The following ADGRF1 variants were observed in gnomAD, a reference collection of about 807,000 sequenced individuals.
ADGRF1 encodes the protein G protein-coupled receptor 110.
Under a neutral mutation model 87.2 loss-of-function variants are expected in ADGRF1, and 85 were observed. That is an observed-to-expected ratio of 0.97 (90% CI 0.82 to 1.17). The LOEUF (loss-of-function observed/expected upper bound fraction) is 1.17. Among genes scored for constraint, ADGRF1 ranks in the 50% most tolerant of loss-of-function variants. The probability of loss-of-function intolerance (pLI) is 0.00; values close to 1 mark genes in which losing one functional copy is unlikely to be tolerated. For synonymous variants in ADGRF1, 430 were observed against 408.8 expected, an observed-to-expected ratio of 1.05 and a Z score of -0.63; for missense variants, 1,169 against 1,077.2, an observed-to-expected ratio of 1.09 and a Z score of -1.19.
At position 47,009,860 on chromosome 6, in the gene ADGRF1, T is replaced by A. The variant is rs753529424; in HGVS notation, c.1575A>T (p.Ile525=). The A allele has an allele frequency of 3.1e-6, 5 of 1,613,980 alleles. No homozygotes were observed. The South Asian group carries it at 4.4e-5, about 14-fold the overall frequency. ...AATGAGGCTGGCTCAGGTTTGACTC[T>A]ATCTTGGAAAAAAATAGGAAAACTT... is the stretch of plus-strand genomic sequence containing the variant. ...INEVFLFFSK[I]ESNLSQPHCV... Residue 525 remains isoleucine, a synonymous_variant, in exon 11 of 15, where the codon ATA becomes ATT. Coordinates refer to ENST00000371253, the MANE Select transcript of ADGRF1 (RefSeq NM_153840.4).
intron 1 of ADGRF1, among the ~76,000 whole-genome samples, chr6:47,036,079 A>G (rs1440938640): frequency 6.6e-6 from 1 of 152,062 alleles, no homozygotes; most frequent in African/African-American, 2.4e-5. Context: ...AAAAATACAA[A>G]AATTAGCTGG....
chr6:47,022,644 T>A (rs1283198437), intron 5 of ADGRF1, among the ~76,000 whole-genome samples: 1 of 152,060 alleles, frequency 6.6e-6, no homozygotes, highest in African/African-American at 2.4e-5. Flanking sequence ...CTCTTACATA[T>A]TCCTAAACAT....
chr6:47,042,017 G>A (rs556045274), intron 1 of ADGRF1, among the ~76,000 whole-genome samples, 174 bp downstream of exon 1: 6 of 152,192 alleles, frequency 3.9e-5, no homozygotes, highest in African/African-American at 1.4e-4. Context: ...GAAATCTGTT[G>A]TTTCTGCTCA....
chr6:47,012,668 C>A (rs1450480343), intron 9 of ADGRF1: 1 of 986,092 alleles, frequency 1.0e-6, no homozygotes, highest in Non-Finnish European at 1.2e-6. Context: ...GTTATGTTCA[C>A]CACGCTACAC....
intron 12 of ADGRF1, 61 bp from the exon 13 acceptor site, chr6:47,005,937 A>G (rs1404153601): frequency 9.3e-7 from 1 of 1,074,932 alleles, no homozygotes; most frequent in Non-Finnish European, 1.4e-6. Context: ...AGACAAATCA[A>G]GAACAACTGC....
At chr6:47,016,504 G>A (rs1163979415) in intron 8 of ADGRF1, 113 bp downstream of exon 8, 2 of 1,221,752 alleles carry the variant, frequency 1.6e-6, no homozygotes, top group Non-Finnish European at 2.2e-6. Context: ...CTGAAAGGCA[G>A]TTAGAGAACA....
chr6:47,024,613 C>G (rs1403845844), intron 4 of ADGRF1, among the ~76,000 whole-genome samples: 1 of 152,182 alleles, frequency 6.6e-6, no homozygotes, highest in Non-Finnish European at 1.5e-5. Flanking sequence ...CGCGCCTGAC[C>G]CTGAGTAGTG....
intron 8 of ADGRF1, among the ~76,000 whole-genome samples, chr6:47,015,512 G>A (rs1373217649): frequency 6.6e-6 from 1 of 152,094 alleles, no homozygotes; most frequent in East Asian, 1.9e-4. Context: ...CCAGGCTCAA[G>A]TGATTCACCT....
chr6:47,019,726 C>G, intron 7 of ADGRF1: 1 of 972,792 alleles, frequency 1.0e-6, no homozygotes, highest in Non-Finnish European at 1.2e-6. Flanking sequence ...AGAAAATGTC[C>G]TATGGGTGTT....
chr6:47,022,893 T>C (rs1352627933), intron 5 of ADGRF1, among the ~76,000 whole-genome samples: 2 of 150,146 alleles, frequency 1.3e-5, no homozygotes, highest in Non-Finnish European at 3.0e-5. Context: ...GCAGCCTCAG[T>C]CTTCTGGGTT....
At chr6:47,002,167 AT>A (rs1779381510) in intron 13 of ADGRF1, among the ~76,000 whole-genome samples, 1 of 152,198 alleles carries the variant, frequency 6.6e-6, no homozygotes, top group Non-Finnish European at 1.5e-5. Context: ...TTCATCATTC[AT>A]TTGTCCATTA....
chr6:47,014,174 G>T, intron 9 of ADGRF1: 1 of 837,236 alleles, frequency 1.2e-6, no homozygotes, highest in Non-Finnish European at 1.4e-6. Context: ...TTTGTTTTCT[G>T]ATCTGCAAAA....
chr6:47,022,101 A>G (rs747451845), intron 5 of ADGRF1, 43 bp from the exon 6 acceptor site: 1 of 1,100,994 alleles, frequency 9.1e-7, no homozygotes, highest in Admixed American at 2.4e-5. Flanking sequence ...ATAAATTTCT[A>G]ACTTGATTTA....
chr6:47,027,567 G>C, intron 3 of ADGRF1, 137 bp downstream of exon 3: 1 of 614,412 alleles, frequency 1.6e-6, no homozygotes, highest in East Asian at 2.8e-5. Flanking sequence ...AGGAATTACT[G>C]TCATTCTCCT....
intron 5 of ADGRF1, 33 bp downstream of exon 5, chr6:47,024,010 GA>G (rs1403263614): frequency 6.3e-7 from 1 of 1,586,610 alleles, no homozygotes; most frequent in Admixed American, 1.7e-5. Flanking sequence ...TGGGGTGGGA[GA>G]AGCCCCAGCC....
At chr6:47,004,696 A>G (rs1779467520) in intron 13 of ADGRF1, among the ~76,000 whole-genome samples, 1 of 152,228 alleles carries the variant, frequency 6.6e-6, no homozygotes, top group Non-Finnish European at 1.5e-5. Context: ...TTAGTTTCAC[A>G]ACTTCTGGTT....
At chr6:47,016,521 T>C in intron 8 of ADGRF1, 96 bp downstream of exon 8, 1 of 1,340,626 alleles carries the variant, frequency 7.5e-7, no homozygotes, top group Non-Finnish European at 9.9e-7. Flanking sequence ...AACAATTCGT[T>C]ATTCAAACGT....
intron 9 of ADGRF1, chr6:47,013,797 C>T (rs767869236): frequency 2.4e-5 from 6 of 248,370 alleles, no homozygotes; most frequent in Non-Finnish European, 3.8e-5. Flanking sequence ...CCCCCAAGTG[C>T]TGTCTCATGA....
chr6:47,027,910 G>A (rs1446956966), intron 2 of ADGRF1, 149 bp from the exon 3 acceptor site: 9 of 633,432 alleles, frequency 1.4e-5, no homozygotes, highest in Non-Finnish European at 2.5e-5. Context: ...CCTCACTGGA[G>A]CAACTTTTAA....
Sources: allele counts gnomAD v4.1 joint callset (sites outside exome capture counted in the v4.1 genomes callset), GRCh38; gene constraint gnomAD v4.1.1; transcripts MANE v1.5; gene names NCBI Gene and HGNC (gene_info 2026-07-23, HGNC 2026-07-21).